Variants in GALK2 observed in about 807,000 individuals in gnomAD.
GALK2 encodes galactokinase 2.
Under a neutral mutation model 52.4 loss-of-function variants are expected in GALK2, and 36 were observed. That is an observed-to-expected ratio of 0.69 (90% CI 0.53 to 0.91). GALK2 has a LOEUF of 0.91. Ranked by LOEUF, GALK2 falls within the 40% of genes least tolerant of loss-of-function variation. The pLI is 0.00. For missense variants in GALK2, 579 were observed against 559.1 expected (o/e 1.04, Z -0.36); for synonymous variants, 176 against 199.1 (o/e 0.88, Z 0.98).
chr15:49,200,677 C>T (rs1408932143), intron 1 of GALK2, among the ~76,000 whole-genome samples: 1 of 152,174 alleles, frequency 6.6e-6, no homozygotes, highest in African/African-American at 2.4e-5. Context: ...CTACTGACCT[C>T]TGGTTTTAGA....
chr15:49,158,442 A>G (rs2084530928), intron 1 of GALK2, among the ~76,000 whole-genome samples: 1 of 152,234 alleles, frequency 6.6e-6, no homozygotes, highest in African/African-American at 2.4e-5. Flanking sequence ...TACTCAATAT[A>G]AAATGCATTT....
intron 8 of GALK2, among the ~76,000 whole-genome samples, chr15:49,317,866 A>C (rs1234654541): frequency 6.6e-6 from 1 of 152,124 alleles, no homozygotes; most frequent in Non-Finnish European, 1.5e-5. Context: ...CAATGGACAC[A>C]TGGACACAGG....
rs1272040909 is a variant in GALK2, at chr15:49,265,704, G to A, written c.505-16283G>A. The stretch of plus-strand genomic sequence containing the variant: ...CTGTAGAGCGGAGCTGTTCCTATTC[G>A]GCCATCTTTGCTCCTGCCCCAGTAG... On this transcript the variant is annotated intron_variant, in intron 5 of 9. Transcript: ENST00000560031. 2.6e-5 allele frequency among the ~76,000 whole-genome samples: 4 copies of A among 152,302 alleles called. No homozygotes were observed. In the East Asian group the frequency reaches 5.8e-4, roughly 22 times the overall value.
Position 49,319,598 on chromosome 15 carries a change from C to T in GALK2, c.968-6C>T. 1 of 1,613,892 alleles carries T rather than the reference C, an allele frequency of 6.2e-7. No individual in the cohort carries two copies. Among genetic ancestry groups the T allele is most frequent in the Non-Finnish European group, 8.5e-7 (1 of 1,179,812 alleles). ...AACCTCCTTCCCCATCCTCTTCCTTCCTCAGTGCTCATCTTCAAACTCTAT... is the reference window on the plus strand; with the variant it reads ...AACCTCCTTCCCCATCCTCTTCCTTTCTCAGTGCTCATCTTCAAACTCTAT... On this transcript the variant is annotated splice_polypyrimidine_tract_variant and splice_region_variant and intron_variant, in intron 8 of 9. Transcript: ENST00000560031.
At chr15:49,295,586 T>A (rs2034401996) in intron 8 of GALK2, among the ~76,000 whole-genome samples, 1 of 152,172 alleles carries the variant, frequency 6.6e-6, no homozygotes, top group Non-Finnish European at 1.5e-5. Flanking sequence ...TACCATTACC[T>A]AATTGCCTGA....
At chr15:49,322,302 A>G (rs188506195) in intron 9 of GALK2, among the ~76,000 whole-genome samples, 10 of 152,328 alleles carry the variant, frequency 6.6e-5, no homozygotes, top group African/African-American at 1.7e-4. Context: ...TGGAAAGCCA[A>G]TTGCTAAGTA....
At chr15:49,262,027 C>T (rs181702462) in intron 5 of GALK2, among the ~76,000 whole-genome samples, 1 of 152,216 alleles carries the variant, frequency 6.6e-6, no homozygotes, top group African/African-American at 2.4e-5. Flanking sequence ...GTCTAAAATT[C>T]TCTTTTTTGG....
chr15:49,361,006 G>T (rs1276997970), intron 3 of GALK2, among the ~76,000 whole-genome samples: 2 of 152,026 alleles, frequency 1.3e-5, no homozygotes, highest in Admixed American at 1.3e-4. Flanking sequence ...CTTATCAATA[G>T]AAATATTACC....
chr15:49,170,226 C>G (rs1053392678), upstream of GALK2: 17 of 1,531,266 alleles, frequency 1.1e-5, no homozygotes, highest in African/African-American at 4.1e-5. Flanking sequence ...GTTTATCTCC[C>G]GGAAGAAAAC....
chr15:49,313,843 A>G (rs2036193154), intron 8 of GALK2, among the ~76,000 whole-genome samples: 1 of 151,968 alleles, frequency 6.6e-6, no homozygotes, highest in South Asian at 2.1e-4. Context: ...CTTAAAATTA[A>G]ATCAGTGAAG....
intron 7 of GALK2, among the ~76,000 whole-genome samples, chr15:49,288,161 T>C (rs2033573745): frequency 6.6e-6 from 1 of 152,236 alleles, no homozygotes; most frequent in Non-Finnish European, 1.5e-5. Flanking sequence ...TTTCATATTT[T>C]ACACACATTT....
intron 3 of GALK2, chr15:49,367,488 T>C (rs2045400636): frequency 6.2e-7 from 1 of 1,602,444 alleles, no homozygotes; most frequent in Non-Finnish European, 8.5e-7. Context: ...TTGGTTTTCT[T>C]AGGTGCTTTG....
chr15:49,225,312 C>T (rs916896037), intron 3 of GALK2: 4 of 448,324 alleles, frequency 8.9e-6, no homozygotes, highest in African/African-American at 6.0e-5. Flanking sequence ...CCTGTTACTG[C>T]TTCATGGCCT....
upstream of GALK2, chr15:49,169,117 A>G (rs1280062615): frequency 1.3e-5 from 2 of 152,614 alleles, no homozygotes; most frequent in Non-Finnish European, 3.0e-5. Context: ...GTATACATGT[A>G]TACAGAAGGG....
intron 5 of GALK2, among the ~76,000 whole-genome samples, chr15:49,271,231 C>CT (rs1202737449): frequency 6.6e-6 from 1 of 152,224 alleles, no homozygotes. Context: ...ATATTATTGT[C>CT]TGATTCCATC....
chr15:49,165,513 T>C (rs1302956462), upstream of GALK2, among the ~76,000 whole-genome samples: 1 of 152,204 alleles, frequency 6.6e-6, no homozygotes, highest in Non-Finnish European at 1.5e-5. Flanking sequence ...GAGCTTATAA[T>C]CTAGCTCTGT....
At chr15:49,176,022 C>G (rs1595885070) in intron 1 of GALK2, among the ~76,000 whole-genome samples, 3 of 152,208 alleles carry the variant, frequency 2.0e-5, no homozygotes, top group Admixed American at 1.3e-4. Flanking sequence ...ATGCTCCCGG[C>G]TGAATAAACC....
chr15:49,366,787 T>G, intron 3 of GALK2: 1 of 594,596 alleles, frequency 1.7e-6, no homozygotes, highest in Non-Finnish European at 2.9e-6. Context: ...GCGGCCGGGC[T>G]AGGCTGGGAT....
rs145278115 is a variant in GALK2, at chr15:49,265,429, G to A, written c.505-16558G>A. ...CGTTTTTTAAGCCCGTCGGAAAAGCGCAGTGTTGGGTTGGGAGTGATGCGA... is the reference window on the plus strand; with the variant it reads ...CGTTTTTTAAGCCCGTCGGAAAAGCACAGTGTTGGGTTGGGAGTGATGCGA... On this transcript the variant is annotated intron_variant, in intron 5 of 9. Coordinates refer to ENST00000560031, the MANE Select transcript of GALK2 (RefSeq NM_002044.4). 2.1e-4 allele frequency among the ~76,000 whole-genome samples: 32 copies of A among 152,342 alleles called. No individual in the cohort carries two copies. In the South Asian group the frequency reaches 5.0e-3, roughly 24 times the overall value.
Sources: allele counts gnomAD v4.1 joint callset (sites outside exome capture counted in the v4.1 genomes callset), GRCh38; gene constraint gnomAD v4.1.1; transcripts MANE v1.5; gene names NCBI Gene and HGNC (gene_info 2026-07-23, HGNC 2026-07-21).